CYBB: variants seen among roughly 807,000 people sequenced by gnomAD.
The protein encoded by CYBB is NADPH oxidase 2.
In CYBB, 5 loss-of-function variants were observed where a neutral mutation model predicts 46.5. The ratio of observed to expected loss-of-function variants is 0.11; its 90% CI spans 0.06 to 0.23. The LOEUF (loss-of-function observed/expected upper bound fraction) is 0.23, where lower values mean the gene tolerates loss of function less well. Ranked by LOEUF, CYBB falls within the 10% of genes least tolerant of loss-of-function variation. The probability of loss-of-function intolerance (pLI) is 1.00; values close to 1 mark genes in which losing one functional copy is unlikely to be tolerated. For missense variants in CYBB, 307 were observed against 428.3 expected (o/e 0.72, Z 2.50); for synonymous variants, 183 against 156.7 (o/e 1.17, Z -1.26).
In CYBB at chrX:37,797,484, A is replaced by T. The variant is rs189869745; in HGVS notation, c.674+1343A>T. On this transcript the variant is annotated intron_variant, in intron 6 of 12. Transcript: ENST00000378588. The stretch of plus-strand genomic sequence containing the variant: ...ATCTGCTCTTTACACTGGTTAGGTG[A>T]TTTCTCACAGTCTCATGGCTCCGTA... 1.5e-3 allele frequency among the ~76,000 whole-genome samples: 172 copies of T among 111,565 alleles called. 1 individual carries two copies. Among genetic ancestry groups the T allele is most frequent in the African/African-American group, 5.5e-3 (168 of 30,751 alleles).
chrX:37,802,161 C>G (rs1431362788), intron 8 of CYBB, among the ~76,000 whole-genome samples: 1 of 111,573 alleles, frequency 9.0e-6, no homozygotes, highest in Non-Finnish European at 1.9e-5. Flanking sequence ...TGTCCTCCAC[C>G]CTATCTTTCC....
At position 37,795,980 on chromosome X, in the gene CYBB, G is replaced by T; in HGVS notation, c.513G>T (p.Val171=). The change falls in exon 6 of 13, where the codon GTG becomes GTT. Residue 171 remains valine (V), a synonymous_variant. Transcript: ENST00000378588. ...KNPEGGLYLA[V]TLLAGITGVV... ...CTGAAGGAGGCCTGTACCTGGCTGT[G>T]ACCCTGTTGGCAGGCATCACTGGAG... The T allele has an allele frequency of 8.3e-7, 1 of 1,207,745 alleles. No individual in the cohort carries two copies. The highest frequency in any genetic ancestry group is 1.1e-6 in the Non-Finnish European group (1 of 893,380).
chrX:37,790,898 C>A (rs1929185570), intron 3 of CYBB, among the ~76,000 whole-genome samples: 1 of 111,717 alleles, frequency 9.0e-6, no homozygotes, highest in Non-Finnish European at 1.9e-5. Flanking sequence ...TGGAACAAAG[C>A]AACCAGAGCA....
rs1929657375 is a variant in CYBB at position 37,810,804 on chromosome X, G to A, written c.1600G>A (p.Val534Ile). The change falls in exon 13 of 13, where the codon GTT becomes ATT. Residue 534 changes from valine to isoleucine, a missense_variant. By Grantham distance (29) the Val-to-Ile change is conservative. This residue lies in a region of CYBB where 122 missense variants were observed against 208.3 expected (regional missense o/e 0.59). Coordinates refer to ENST00000378588, the MANE Select transcript of CYBB (RefSeq NM_000397.4). ...ASQHPNTRIGVFLCGPEALAE... is the reference protein window; with the variant it reads ...ASQHPNTRIGIFLCGPEALAE... ...CTTTCCCAAAAGTACCAGAATAGGAGTTTTCCTCTGTGGACCTGAAGCCTT... is the reference window on the plus strand; with the variant it reads ...CTTTCCCAAAAGTACCAGAATAGGAATTTTCCTCTGTGGACCTGAAGCCTT... 1 of 1,206,998 alleles carries A rather than the reference G, an allele frequency of 8.3e-7. No homozygotes were observed.
At chrX:37,786,537 A>G (rs369631718) in intron 3 of CYBB, among the ~76,000 whole-genome samples, 1 of 111,455 alleles carries the variant, frequency 9.0e-6, no homozygotes, top group South Asian at 3.7e-4. Context: ...AGAGGTCTCA[A>G]TCATTGAAAC....
At chrX:37,801,125 A>G (rs1211900135) in intron 7 of CYBB, 131 bp from the exon 8 acceptor site, 1 of 519,463 alleles carries the variant, frequency 1.9e-6, no homozygotes, top group Non-Finnish European at 3.5e-6. Context: ...GAAGAAATTT[A>G]TTTATCTAAT....
At chrX:37,784,474 A>G (rs1178405796) in intron 3 of CYBB, among the ~76,000 whole-genome samples, 2 of 111,759 alleles carry the variant, frequency 1.8e-5, no homozygotes, top group South Asian at 3.7e-4. Flanking sequence ...AAGGCATTCT[A>G]TGTGGAGAAG....
chrX:37,796,357 T>C (rs1432550096), intron 6 of CYBB, among the ~76,000 whole-genome samples: 1 of 111,845 alleles, frequency 8.9e-6, no homozygotes, highest in African/African-American at 3.3e-5. Context: ...TGAAGTTATA[T>C]ATAGCAAGCT....
intron 5 of CYBB, among the ~76,000 whole-genome samples, chrX:37,795,253 C>A (rs1929276722): frequency 9.0e-6 from 1 of 111,469 alleles, no homozygotes; most frequent in African/African-American, 3.3e-5. Flanking sequence ...TTACCTGTTC[C>A]TGTGCAAACC....
In CYBB at chrX:37,804,104, G is replaced by A; in HGVS notation, c.1125G>A (p.Glu375=). The change falls in exon 9 of 13, where the codon GAG becomes GAA. Residue 375 remains glutamate, a synonymous_variant. Coordinates refer to ENST00000378588, the MANE Select transcript of CYBB (RefSeq NM_000397.4). The part of the protein sequence containing the change: ...LFNACGCDKQ[E]FQDAWKLPKI... ...ATGCTTGTGGCTGTGATAAGCAGGA[G>A]TTTCAAGATGCGTGGAAACTACCTA... 1.7e-6 allele frequency: 2 copies of A among 1,210,814 alleles called. No homozygotes were observed. The highest frequency in any genetic ancestry group is 2.2e-6 in the Non-Finnish European group (2 of 895,018).
intron 2 of CYBB, among the ~76,000 whole-genome samples, chrX:37,782,544 C>A (rs781840416): frequency 8.9e-6 from 1 of 112,623 alleles, no homozygotes; most frequent in South Asian, 3.6e-4. Flanking sequence ...TCTAAGTCAC[C>A]TAATTCCTAG....
chrX:37,791,933 T>C (rs1929205795), intron 3 of CYBB, 42 bp from the exon 4 acceptor site: 1 of 1,024,472 alleles, frequency 9.8e-7, no homozygotes, highest in Admixed American at 2.2e-5. Flanking sequence ...CAAGCTTTCC[T>C]GTTAACAATT....
chrX:37,783,645 A>G (rs782239310), intron 3 of CYBB, 45 bp downstream of exon 3: 3 of 857,131 alleles, frequency 3.5e-6, no homozygotes, highest in Non-Finnish European at 3.5e-6. Context: ...TTCAAAGGCC[A>G]TCAAGCAAAA....
rs1030184481 is a variant in CYBB, at chrX:37,806,627, T to A, written c.1461+94T>A. The A allele has an allele frequency of 2.0e-5, 17 of 871,128 alleles. No homozygotes were observed. In the African/African-American group the frequency reaches 2.6e-4, roughly 13 times the overall value. 71.8% of individuals were successfully genotyped at this position (871,128 alleles called of 1,213,427 possible). A position where few individuals can be genotyped will look rare whatever the true frequency, so the allele number is the denominator to read the frequency against. On this transcript the variant is annotated intron_variant, in intron 11 of 12. Coordinates refer to ENST00000378588, the MANE Select transcript of CYBB (RefSeq NM_000397.4). ...ATTGGTGTGTCTTGTGTACTATTTT[T>A]TCTAAGTATGTTTAGTGGATTTGGT...
chrX:37,799,555 G>A, intron 7 of CYBB, among the ~76,000 whole-genome samples: 1 of 111,792 alleles, frequency 8.9e-6, no homozygotes, highest in Non-Finnish European at 1.9e-5. Context: ...CTACCTTTAG[G>A]CATTAGGAGT....
chrX:37,810,681 G>A (rs1929652967), intron 12 of CYBB, 110 bp from the exon 13 acceptor site: 1 of 773,122 alleles, frequency 1.3e-6, no homozygotes, highest in African/African-American at 2.0e-5. Flanking sequence ...AGAAAAAGGA[G>A]CAGAGGGGAC....
At chrX:37,788,865 C>A (rs1929133507) in intron 3 of CYBB, among the ~76,000 whole-genome samples, 1 of 111,782 alleles carries the variant, frequency 8.9e-6, no homozygotes, top group South Asian at 3.7e-4. Flanking sequence ...CTTAAAACAA[C>A]CCCTGTTTAT....
At position 37,783,688 on chromosome X, in the gene CYBB, T is replaced by C. The variant is rs186748392; in HGVS notation, c.252+88T>C. 28 of 589,366 alleles carry C rather than the reference T, an allele frequency of 4.8e-5. No individual in the cohort carries two copies. In the East Asian group the frequency reaches 9.7e-4, roughly 20 times the overall value. The allele number at this position is 589,366 out of a possible 1,213,427, so 48.6% of individuals were successfully genotyped here. On this transcript the variant is annotated intron_variant, in intron 3 of 12. Transcript: ENST00000378588. ...TTTTAGGTAAAAACAAATGAATGAT[T>C]TGGGAGGATTCCAGCTTCTGTAGAA... is the stretch of plus-strand genomic sequence containing the variant.
chrX:37,802,077 A>G (rs1193316057), intron 8 of CYBB, among the ~76,000 whole-genome samples: 2 of 112,033 alleles, frequency 1.8e-5, no homozygotes, highest in East Asian at 5.6e-4. Context: ...AATTTAATTC[A>G]ATTCAACTCA....
Sources: allele counts gnomAD v4.1 joint callset (sites outside exome capture counted in the v4.1 genomes callset), GRCh38; gene constraint gnomAD v4.1.1; regional missense constraint gnomAD v4.1.1; transcripts MANE v1.5; gene names NCBI Gene and HGNC (gene_info 2026-07-23, HGNC 2026-07-21).